Variants in EXTL3 observed in about 807,000 individuals in gnomAD.
EXTL3 encodes exostosin like glycosyltransferase 3, also known as exostosin-like 3.
EXTL3 carries 27 observed loss-of-function variants against 69.3 expected under a neutral mutation model. The ratio of observed to expected loss-of-function variants is 0.39; its 90% CI spans 0.29 to 0.54. EXTL3 has a LOEUF of 0.54. Among genes scored for constraint, EXTL3 ranks in the 20% least tolerant of loss-of-function variants. EXTL3 has a pLI of 0.69. For synonymous variants in EXTL3, 511 were observed against 499.4 expected, an observed-to-expected ratio of 1.02 and a Z score of -0.31; for missense variants, 1,003 against 1,231.8, an observed-to-expected ratio of 0.81 and a Z score of 2.78.
intron 1 of EXTL3, chr8:28,631,593 GGAT>G (rs2130563138): frequency 6.6e-6 from 1 of 152,290 alleles, no homozygotes; most frequent in East Asian, 1.9e-4. Flanking sequence ...CAGGCTCTGG[GGAT>G]GATAATGCCT....
At position 28,672,625 on chromosome 8, in the gene EXTL3, C is replaced by G. The variant is rs1192646723; in HGVS notation, c.-52-40832C>G. On this transcript the variant is annotated intron_variant, in intron 1 of 6. Coordinates refer to the EXTL3 transcript ENST00000523149. ...AATCTCAGGTCCCATCCAAAACCGACTAAATCAGAAACTCTAGGGGTGGAC... is the reference window on the plus strand; with the variant it reads ...AATCTCAGGTCCCATCCAAAACCGAGTAAATCAGAAACTCTAGGGGTGGAC... Among the ~76,000 whole-genome samples the G allele has an allele frequency of 2.6e-5, 4 of 152,228 alleles. No homozygotes were observed. In the South Asian group the frequency reaches 6.2e-4, roughly 24 times the overall value.
chr8:28,748,368 CAAA>C (rs34255549), intron 6 of EXTL3, among the ~76,000 whole-genome samples: 1 of 128,292 alleles, frequency 7.8e-6, no homozygotes. Context: ...GAGACTGTCT[CAAA>C]AAAAAAAAAA....
In EXTL3 at chr8:28,716,767, C is replaced by T; in HGVS notation, c.708C>T (p.Cys236=). Reference sequence around the variant, plus strand: ...TTACAGAAAATGCAGACATCGCCTGCCTTTACGTGATACTAGTGGGAGAGA... The same window carrying T: ...TTACAGAAAATGCAGACATCGCCTGTCTTTACGTGATACTAGTGGGAGAGA... ...VYVTENADIA[C]LYVILVGEMQ... Residue 236 remains cysteine, a synonymous_variant, in exon 3 of 7, where the codon TGC becomes TGT. Coordinates refer to ENST00000220562, the MANE Select transcript of EXTL3 (RefSeq NM_001440.4). This position sits in a 1 kb window ranked among gnomAD's most constrained non-coding sequence, Gnocchi z 7.1. 6.2e-7 allele frequency: 1 copy of T among 1,614,250 alleles called. No individual in the cohort carries two copies. Among genetic ancestry groups the T allele is most frequent in the Non-Finnish European group, 8.5e-7 (1 of 1,180,048 alleles).
At chr8:28,666,180 AG>A (rs1807193801) in intron 1 of EXTL3, among the ~76,000 whole-genome samples, 1 of 152,182 alleles carries the variant, frequency 6.6e-6, no homozygotes, top group Non-Finnish European at 1.5e-5. Flanking sequence ...ATGGGAGATG[AG>A]AGAGATCTTA....
chr8:28,619,388 AGAAG>A, upstream of EXTL3, among the ~76,000 whole-genome samples: 1 of 148,492 alleles, frequency 6.7e-6, no homozygotes, highest in Non-Finnish European at 1.5e-5. Flanking sequence ...GAGAAGCGAA[AGAAG>A]GGTGTTTTCC....
At chr8:28,628,394 G>A (rs1806526198) in intron 1 of EXTL3, among the ~76,000 whole-genome samples, 1 of 151,780 alleles carries the variant, frequency 6.6e-6, no homozygotes, top group South Asian at 2.1e-4. Flanking sequence ...AGATAGCTGG[G>A]CAGGGTGGCT....
At chr8:28,722,568 G>A (rs1197244785) in intron 3 of EXTL3, among the ~76,000 whole-genome samples, 1 of 151,928 alleles carries the variant, frequency 6.6e-6, no homozygotes, top group Non-Finnish European at 1.5e-5. Context: ...TTGAGCCTAG[G>A]GGTTTGAGAC....
At chr8:28,631,507 G>A (rs1806569827) in intron 1 of EXTL3, 1 of 152,344 alleles carries the variant, frequency 6.6e-6, no homozygotes, top group Non-Finnish European at 1.5e-5. Context: ...TGAAATAAGA[G>A]CTAAGTGGTC....
chr8:28,718,046 T>A lies in EXTL3; in HGVS notation c.1987T>A (p.Phe663Ile). Residue 663 changes from phenylalanine to isoleucine, a missense_variant, in exon 3 of 7, where the codon TTC (phenylalanine) becomes ATC (isoleucine). Around this residue, in one of 2 missense-constraint regions of EXTL3, gnomAD observed 261 missense variants for 416.4 expected, o/e 0.63. Transcript: ENST00000220562. ...ALGGNVPREQFTVVMLTYERE... is the reference protein window; with the variant it reads ...ALGGNVPREQITVVMLTYERE... ...TGGAGGCAATGTTCCCCGAGAGCAG[T>A]TCACGGTGGTGATGTTGACTTATGA... 1.2e-6 allele frequency: 2 copies of A among 1,613,946 alleles called. No homozygotes were observed. The highest frequency in any genetic ancestry group is 1.7e-6 in the Non-Finnish European group (2 of 1,179,994).
At chr8:28,663,512 C>T (rs560021695) in intron 1 of EXTL3, among the ~76,000 whole-genome samples, 22 of 152,114 alleles carry the variant, frequency 1.4e-4, no homozygotes, top group African/African-American at 4.3e-4. Flanking sequence ...AGTACAGTGG[C>T]GTGATCTTGG....
intron 1 of EXTL3, among the ~76,000 whole-genome samples, chr8:28,673,621 G>A (rs57177777): frequency 0.015 from 2,301 of 151,788 alleles, 54 homozygotes; most frequent in African/African-American, 0.052. Flanking sequence ...ATCCATAATC[G>A]TGTGAGTCAA....
intron 1 of EXTL3, among the ~76,000 whole-genome samples, chr8:28,648,892 G>C (rs1250446138): frequency 6.6e-6 from 1 of 151,666 alleles, no homozygotes; most frequent in Non-Finnish European, 1.5e-5. Context: ...GGTTTGTTTT[G>C]GTTTGTTTGT....
At chr8:28,637,366 C>T (rs1806673040) in intron 1 of EXTL3, 1 of 152,270 alleles carries the variant, frequency 6.6e-6, no homozygotes, top group Admixed American at 6.5e-5. Flanking sequence ...AAGAGCCAGC[C>T]CGCTACTTTA....
In EXTL3 at chr8:28,751,200, T is replaced by A. The variant is rs1040906589; in HGVS notation, c.*334T>A. ...TTTTTACATTCAATAACAACTATTA[T>A]GATTATTTAAAAAGAGAAAGTTTCA... is the stretch of plus-strand genomic sequence containing the variant. On this transcript the variant is annotated 3_prime_UTR_variant, in exon 7 of 7. Coordinates refer to ENST00000220562, the MANE Select transcript of EXTL3 (RefSeq NM_001440.4). 5 of 316,070 alleles carry A rather than the reference T, an allele frequency of 1.6e-5. No homozygotes were observed. Among genetic ancestry groups the A allele is most frequent in the African/African-American group, 8.3e-5 (4 of 48,044 alleles). The allele number at this position is 316,070 out of a possible 1,614,324, so 19.6% of individuals were successfully genotyped here. A position where few individuals can be genotyped will look rare whatever the true frequency, so the allele number is the denominator to read the frequency against.
At chr8:28,611,097 C>T (rs1806266361) in intron 2 of EXTL3, among the ~76,000 whole-genome samples, 1 of 152,108 alleles carries the variant, frequency 6.6e-6, no homozygotes, top group Admixed American at 6.6e-5. Flanking sequence ...TGTGCTTGGG[C>T]CAGATGTTTA....
chr8:28,696,027 C>T (rs764558546), intron 1 of EXTL3, among the ~76,000 whole-genome samples: 1 of 152,010 alleles, frequency 6.6e-6, no homozygotes, highest in Admixed American at 6.6e-5. Flanking sequence ...AGCGATCCTC[C>T]CACCTTACCC....
chr8:28,749,828 C>T (rs1369661325), intron 6 of EXTL3, among the ~76,000 whole-genome samples: 1 of 152,164 alleles, frequency 6.6e-6, no homozygotes, highest in East Asian at 1.9e-4. Flanking sequence ...TGGGACTACA[C>T]CAGATAGCTG....
intron 2 of EXTL3, among the ~76,000 whole-genome samples, chr8:28,617,576 G>A (rs928343794): frequency 3.3e-5 from 5 of 152,036 alleles, no homozygotes; most frequent in Admixed American, 2.0e-4. Flanking sequence ...TGGAGCCCAG[G>A]GCTTCAACAC....
Position 28,674,389 on chromosome 8 carries a change from G to A in EXTL3, c.-52-39068G>A, listed in dbSNP as rs139069137. On this transcript the variant is annotated intron_variant, in intron 1 of 6. Transcript: ENST00000523149. ...TGCCTGGCTTATATATGATACTTTC[G>A]AACATTTTGGAAAATGAATGAATAT... 9.1e-4 allele frequency among the ~76,000 whole-genome samples: 139 copies of A among 152,236 alleles called. 1 individual carries two copies. The highest frequency in any genetic ancestry group is 3.2e-3 in the African/African-American group (135 of 41,554).
Sources: gnomAD v4.1 joint callset for allele counts (sites outside exome capture counted in the v4.1 genomes callset) on GRCh38, gnomAD v4.1.1 for gene constraint, gnomAD v4.1.1 regional missense constraint, Gnocchi (gnomAD v3.1) non-coding constraint, MANE v1.5 for transcripts, NCBI Gene and HGNC (gene_info 2026-07-23, HGNC 2026-07-21) for gene names.